Variants in CCDC88C observed in about 807,000 individuals in gnomAD.
CCDC88C encodes protein Daple.
CCDC88C carries 131 observed loss-of-function variants against 198.8 expected under a neutral mutation model. That is an observed-to-expected ratio of 0.66 (90% CI 0.57 to 0.76). The LOEUF is 0.76. Among genes scored for constraint, CCDC88C ranks in the 30% least tolerant of loss-of-function variants. The probability of loss-of-function intolerance (pLI) is 0.00; values close to 1 mark genes in which losing one functional copy is unlikely to be tolerated. For synonymous variants in CCDC88C, 1,166 were observed against 1,114.7 expected, an observed-to-expected ratio of 1.05 and a Z score of -0.92; for missense variants, 2,553 against 2,631.6, an observed-to-expected ratio of 0.97 and a Z score of 0.65.
At chr14:91,276,428 G>T (rs1423250004) in intron 29 of CCDC88C, among the ~76,000 whole-genome samples, 1 of 152,240 alleles carries the variant, frequency 6.6e-6, no homozygotes, top group Non-Finnish European at 1.5e-5. Context: ...GAAGGCCAGG[G>T]CCATGTTTTA....
chr14:91,333,303 T>C (rs542321583), intron 10 of CCDC88C, among the ~76,000 whole-genome samples: 2 of 152,360 alleles, frequency 1.3e-5, no homozygotes, highest in African/African-American at 2.4e-5. Flanking sequence ...TAAGGGAATA[T>C]AGTATTTTAA....
At chr14:91,312,328 C>T (rs768628730) in intron 15 of CCDC88C, among the ~76,000 whole-genome samples, 4 of 152,156 alleles carry the variant, frequency 2.6e-5, no homozygotes, top group Non-Finnish European at 4.4e-5. Context: ...GTGGAGCCTG[C>T]AGTGAGCTGG....
At chr14:91,413,910 A>G (rs1435554325) in intron 2 of CCDC88C, among the ~76,000 whole-genome samples, 2 of 152,238 alleles carry the variant, frequency 1.3e-5, no homozygotes, top group Non-Finnish European at 2.9e-5. Flanking sequence ...ACAGGCAAAT[A>G]GCACAGTCTA....
At chr14:91,346,873 T>C (rs889060267) in intron 4 of CCDC88C, among the ~76,000 whole-genome samples, 1 of 152,290 alleles carries the variant, frequency 6.6e-6, no homozygotes, top group African/African-American at 2.4e-5. Context: ...CACTCCAGCC[T>C]TGGCGACAAA....
intron 2 of CCDC88C, among the ~76,000 whole-genome samples, chr14:91,409,187 GT>G (rs11290091): frequency 0.85 from 125,520 of 146,866 alleles, 53,651 homozygotes; most frequent in East Asian, 0.95. Context: ...AAAAATGGTA[GT>G]TTTTTTTTTT....
chr14:91,336,264 TCA>T (rs1008947211), intron 10 of CCDC88C, among the ~76,000 whole-genome samples: 2 of 152,150 alleles, frequency 1.3e-5, no homozygotes, highest in African/African-American at 4.8e-5. Flanking sequence ...GGTGCAGCGC[TCA>T]GTTACCATGC....
chr14:91,355,179 C>G (rs1567095082), intron 4 of CCDC88C, among the ~76,000 whole-genome samples: 1 of 152,092 alleles, frequency 6.6e-6, no homozygotes, highest in Non-Finnish European at 1.5e-5. Context: ...AGCAGGGGAG[C>G]TGGTGGTGGT....
chr14:91,355,772 TG>T (rs1894017606), intron 4 of CCDC88C, among the ~76,000 whole-genome samples: 2 of 152,024 alleles, frequency 1.3e-5, no homozygotes, highest in Non-Finnish European at 2.9e-5. Context: ...ACAGAAAAAC[TG>T]TAAGTTGTGG....
chr14:91,372,545 G>GGGGGGGGGA (rs1894862913), intron 3 of CCDC88C, among the ~76,000 whole-genome samples: 1 of 120,886 alleles, frequency 8.3e-6, no homozygotes, highest in African/African-American at 3.2e-5. Context: ...GGGCGGGCGG[G>GGGGGGGGGA]GGGGGGAGGC....
In CCDC88C at chr14:91,321,107, G is replaced by A. The variant is rs768619318; in HGVS notation, c.1527+13C>T. On this transcript the variant is annotated intron_variant, in intron 13 of 29. Coordinates refer to ENST00000389857, the MANE Select transcript of CCDC88C (RefSeq NM_001080414.4). ...TTCTGTGCTTCCCCGGTGGCCTAAG[G>A]AGGCCGAGGTACCTTCTTGCTGAGC... is the stretch of plus-strand genomic sequence containing the variant. 2 of 1,600,200 alleles carry A rather than the reference G, an allele frequency of 1.2e-6. No individual in the cohort carries two copies. Among genetic ancestry groups the A allele is most frequent in the Non-Finnish European group, 1.7e-6 (2 of 1,173,024 alleles).
In CCDC88C at chr14:91,380,701, C is replaced by T. The variant is rs1007983133; in HGVS notation, c.271-20990G>A. On this transcript the variant is annotated intron_variant, in intron 3 of 29. Coordinates refer to ENST00000389857, the MANE Select transcript of CCDC88C (RefSeq NM_001080414.4). ...TGCTCTGAAGTTGTTTTTTTTTCCC[C>T]TATGTGCCTCTTAAAATGAAGGCCT... Among the ~76,000 whole-genome samples the T allele has an allele frequency of 1.9e-4, 29 of 151,806 alleles. 1 individual carries two copies. In the South Asian group the frequency reaches 2.1e-3, roughly 11 times the overall value.
chr14:91,389,516 G>A (rs1179951060), intron 3 of CCDC88C, among the ~76,000 whole-genome samples: 2 of 152,170 alleles, frequency 1.3e-5, no homozygotes, highest in Non-Finnish European at 2.9e-5. Context: ...ATCAACAGGA[G>A]TACCTTGGCT....
At chr14:91,281,016 C>G (rs950074822) in intron 27 of CCDC88C, 1 of 379,532 alleles carries the variant, frequency 2.6e-6, no homozygotes, top group African/African-American at 2.1e-5. Flanking sequence ...TTTACTGTCT[C>G]CCTTCTGCAG....
chr14:91,283,725 C>A, intron 25 of CCDC88C: 2 of 590,916 alleles, frequency 3.4e-6, no homozygotes. Context: ...TGTCAGAGGC[C>A]CCATGAGGAT....
At chr14:91,403,127 A>G (rs149039549) in intron 3 of CCDC88C, among the ~76,000 whole-genome samples, 1 of 152,210 alleles carries the variant, frequency 6.6e-6, no homozygotes, top group African/African-American at 2.4e-5. Flanking sequence ...GCCCGCCCAG[A>G]GAGACGGCGG....
At chr14:91,292,965 C>G (rs60010139) in intron 23 of CCDC88C, among the ~76,000 whole-genome samples, 1 of 151,956 alleles carries the variant, frequency 6.6e-6, no homozygotes, top group Admixed American at 6.6e-5. Flanking sequence ...CCTTTTCCAG[C>G]CTTCTCTCTG....
Position 91,313,010 on chromosome 14 carries a change from AACCATGC to A in CCDC88C, c.2736+63_2736+69del. The A allele has an allele frequency of 8.3e-7, 1 of 1,200,272 alleles. No individual in the cohort carries two copies. The highest frequency in any genetic ancestry group is 1.2e-6 in the Non-Finnish European group (1 of 853,410). 74.4% of individuals were successfully genotyped at this position (1,200,272 alleles called of 1,614,324 possible). ...ACACAGAGTCTTATTTCTCTCCTGA[AACCATGC>A]ACCACAGAACCCACTACCACCATCT... On this transcript the variant is annotated intron_variant, in intron 15 of 29. Coordinates refer to ENST00000389857, the MANE Select transcript of CCDC88C (RefSeq NM_001080414.4). This position sits in a 1 kb window ranked among gnomAD's most constrained non-coding sequence, Gnocchi z 5.2.
At chr14:91,294,034 G>A in intron 23 of CCDC88C, 139 bp downstream of exon 23, 1 of 862,566 alleles carries the variant, frequency 1.2e-6, no homozygotes, top group Non-Finnish European at 1.8e-6. Flanking sequence ...GTCCGTGCTG[G>A]TGATCGGTCT....
At chr14:91,350,909 GA>G (rs1893754671) in intron 4 of CCDC88C, among the ~76,000 whole-genome samples, 1 of 152,210 alleles carries the variant, frequency 6.6e-6, no homozygotes, top group Non-Finnish European at 1.5e-5. Flanking sequence ...CTCCATCTCA[GA>G]AATAGAAGGA....
Sources: allele counts gnomAD v4.1 joint callset (sites outside exome capture counted in the v4.1 genomes callset), GRCh38; gene constraint gnomAD v4.1.1; non-coding constraint Gnocchi (gnomAD v3.1); transcripts MANE v1.5; gene names NCBI Gene and HGNC (gene_info 2026-07-23, HGNC 2026-07-21).